Variants in SLC66A1 observed in about 807,000 individuals in gnomAD.
SLC66A1 encodes the protein lysosomal amino acid transporter 1 homolog.
SLC66A1 carries 23 observed loss-of-function variants against 33.0 expected under a neutral mutation model. The observed-to-expected ratio is 0.70, with a 90% CI of 0.50 to 0.99. SLC66A1 has a LOEUF of 0.99. Ranked by LOEUF, SLC66A1 falls within the 50% of genes least tolerant of loss-of-function variation. The pLI is 0.00. For synonymous variants in SLC66A1, 164 were observed against 175.5 expected (o/e 0.93, Z 0.52); for missense variants, 335 against 383.6 (o/e 0.87, Z 1.06).
At position 19,321,282 on chromosome 1, in the gene SLC66A1, C is replaced by T. The variant is rs370323580; in HGVS notation, c.165-3351C>T. On this transcript the variant is annotated intron_variant, in intron 2 of 7. Coordinates refer to ENST00000375153, the MANE Select transcript of SLC66A1 (RefSeq NM_001040125.2). The stretch of plus-strand genomic sequence containing the variant: ...CCTTGACCTTCTGCGCTCAAGCAGT[C>T]CTCCCACCTCAGCCTCTTGAGTAAC... Among the ~76,000 whole-genome samples, 173 of 141,784 alleles carry T rather than the reference C, an allele frequency of 1.2e-3. 3 individuals carry two copies. The South Asian group carries it at 0.022, about 18-fold the overall frequency. 93.0% of individuals were successfully genotyped at this position (141,784 alleles called of 152,430 possible). A position where few individuals can be genotyped will look rare whatever the true frequency, so the allele number is the denominator to read the frequency against.
At position 19,328,551 on chromosome 1, in the gene SLC66A1, C is replaced by T. The variant is rs1409680952; in HGVS notation, c.805-21C>T. ...CCAACCCAGTCTCTGCTCAGCTTGG[C>T]CTTAACGGCGGCACCCCCAGATCTC... On this transcript the variant is annotated intron_variant, in intron 7 of 7. Coordinates refer to ENST00000375153, the MANE Select transcript of SLC66A1 (RefSeq NM_001040125.2). The surrounding 1 kb of genome is among the most constrained non-coding windows in gnomAD (Gnocchi z 4.7). 2 of 1,610,314 alleles carry T rather than the reference C, an allele frequency of 1.2e-6. No homozygotes were observed. The highest frequency in any genetic ancestry group is 1.7e-6 in the Non-Finnish European group (2 of 1,178,412).
chr1:19,331,357 C>T (rs1382885582), downstream of SLC66A1, among the ~76,000 whole-genome samples: 1 of 152,114 alleles, frequency 6.6e-6, no homozygotes, highest in African/African-American at 2.4e-5. Flanking sequence ...AGAACAGTCT[C>T]AGCACAATTG....
At position 19,313,245 on chromosome 1, in the gene SLC66A1, C is replaced by T. The variant is rs2093786821; in HGVS notation, c.-79+356C>T. ...TGTTCCAGAGTGCTTTTCTCCTCAA[C>T]CCTGGGCTGTTCGAGCTCACAGCTT... On this transcript the variant is annotated intron_variant, in intron 1 of 7. Transcript: ENST00000375153. 4 of 985,282 alleles carry T rather than the reference C, an allele frequency of 4.1e-6. No homozygotes were observed. In the Admixed American group the frequency reaches 1.8e-4, roughly 45 times the overall value. The allele number at this position is 985,282 out of a possible 1,614,324, so 61.0% of individuals were successfully genotyped here. A position where few individuals can be genotyped will look rare whatever the true frequency, so the allele number is the denominator to read the frequency against.
intron 2 of SLC66A1, among the ~76,000 whole-genome samples, chr1:19,319,621 T>TTTTTTTTTTTTTTTTTTTTTTTTTTG (rs1343830305): frequency 6.7e-6 from 1 of 149,082 alleles, no homozygotes; most frequent in African/African-American, 2.5e-5. Context: ...TTTTTTTTTT[T>TTTTTTTTTTTTTTTTTTTTTTTTTTG]GCCTGGTGCA....
At chr1:19,323,764 A>G (rs2093849295) in intron 2 of SLC66A1, among the ~76,000 whole-genome samples, 1 of 152,220 alleles carries the variant, frequency 6.6e-6, no homozygotes. Flanking sequence ...GTGGTTAAAG[A>G]GAAACTGGAA....
chr1:19,324,837 A>T, intron 3 of SLC66A1, 75 bp downstream of exon 3: 1 of 1,556,556 alleles, frequency 6.4e-7, no homozygotes, highest in Non-Finnish European at 8.7e-7. Context: ...AGGAGATGCC[A>T]GGCTCTTTGG....
intron 2 of SLC66A1, among the ~76,000 whole-genome samples, chr1:19,321,169 C>CTTTTTTTTTTTTTTTT (rs71577887): frequency 3.7e-5 from 3 of 82,102 alleles, no homozygotes; most frequent in African/African-American, 1.6e-4. Flanking sequence ...CTTATCTCTT[C>CTTTTTTTTTTTTTTTT]TTTTTTTTTT....
At chr1:19,321,593 G>A (rs2093838046) in intron 2 of SLC66A1, among the ~76,000 whole-genome samples, 1 of 145,806 alleles carries the variant, frequency 6.9e-6, no homozygotes, top group African/African-American at 2.7e-5. Flanking sequence ...TTGAGACACA[G>A]TCTTGCTCTG....
downstream of SLC66A1, among the ~76,000 whole-genome samples, chr1:19,329,912 G>A (rs1300807822): frequency 6.6e-6 from 1 of 152,122 alleles, no homozygotes; most frequent in African/African-American, 2.4e-5. Flanking sequence ...AGCAAGGTGG[G>A]AGAGTGGAGA....
At chr1:19,313,863 G>C (rs1319978661) in intron 1 of SLC66A1, among the ~76,000 whole-genome samples, 2 of 152,214 alleles carry the variant, frequency 1.3e-5, no homozygotes, top group Non-Finnish European at 2.9e-5. Context: ...AGGGAGAGGA[G>C]TTTGGGTGTG....
chr1:19,328,247 A>C lies in SLC66A1; in HGVS notation c.805-325A>C, dbSNP rs995336234. ...AGGCTCTTGTGCCCCAAAACGGCCCAGCCACCTGGAAGCCTCCAGGACGCC... is the reference window on the plus strand; with the variant it reads ...AGGCTCTTGTGCCCCAAAACGGCCCCGCCACCTGGAAGCCTCCAGGACGCC... On this transcript the variant is annotated intron_variant, in intron 7 of 7. Coordinates refer to ENST00000375153, the MANE Select transcript of SLC66A1 (RefSeq NM_001040125.2). This position sits in a 1 kb window ranked among gnomAD's most constrained non-coding sequence, Gnocchi z 4.7. Among the ~76,000 whole-genome samples the C allele has an allele frequency of 2.0e-5, 3 of 152,186 alleles. No homozygotes were observed. Among genetic ancestry groups the C allele is most frequent in the African/African-American group, 7.2e-5 (3 of 41,444 alleles).
At chr1:19,314,831 A>G (rs2093796462) in intron 1 of SLC66A1, among the ~76,000 whole-genome samples, 1 of 152,022 alleles carries the variant, frequency 6.6e-6, no homozygotes, top group Non-Finnish European at 1.5e-5. Flanking sequence ...GGCTGAGAAC[A>G]TGAGGACTTG....
intron 1 of SLC66A1, among the ~76,000 whole-genome samples, chr1:19,317,297 C>G (rs1480415332): frequency 6.6e-6 from 1 of 152,114 alleles, no homozygotes; most frequent in Non-Finnish European, 1.5e-5. Flanking sequence ...GGCTCAGGCA[C>G]AGAAAGGCTG....
At chr1:19,332,979 A>G (rs2152020773), downstream of SLC66A1, among the ~76,000 whole-genome samples, 1 of 152,332 alleles carries the variant, frequency 6.6e-6, no homozygotes, top group Admixed American at 6.5e-5. Flanking sequence ...CTGTTGAACG[A>G]GACACTGTAT....
chr1:19,327,059 G>T (rs2093872024), intron 6 of SLC66A1, among the ~76,000 whole-genome samples, 168 bp from the exon 7 acceptor site: 1 of 152,210 alleles, frequency 6.6e-6, no homozygotes, highest in South Asian at 2.1e-4. Flanking sequence ...CTTGTCTGTG[G>T]GTGGGAGGAG....
rs1337591664 is a variant in SLC66A1 at position 19,328,616 on chromosome 1, G to A, written c.849G>A (p.Ser283=). ...TGTACAGGCGCAGCACCGCCGCCTC[G>A]GAGCTTGAGCCCCTCCTCCCCAGCT... ...FLVYRRSTAA[S]ELEPLLPS Residue 283 remains serine (S), a synonymous_variant, in exon 8 of 8, where the codon TCG becomes TCA. Coordinates refer to ENST00000375153, the MANE Select transcript of SLC66A1 (RefSeq NM_001040125.2). This position sits in a 1 kb window ranked among gnomAD's most constrained non-coding sequence, Gnocchi z 4.7. 8 of 1,613,604 alleles carry A rather than the reference G, an allele frequency of 5.0e-6. No individual in the cohort carries two copies. Among genetic ancestry groups the A allele is most frequent in the East Asian group, 2.2e-5 (1 of 44,882 alleles).
intron 2 of SLC66A1, among the ~76,000 whole-genome samples, chr1:19,320,941 G>A (rs1391985304): frequency 6.7e-6 from 1 of 149,026 alleles, no homozygotes; most frequent in African/African-American, 2.6e-5. Context: ...TCAAACTCCT[G>A]ATCTCAGGTG....
intron 2 of SLC66A1, among the ~76,000 whole-genome samples, chr1:19,322,943 G>A (rs919881992): frequency 2.0e-5 from 3 of 151,608 alleles, no homozygotes; most frequent in African/African-American, 4.9e-5. Flanking sequence ...GTGCAGTGGT[G>A]CATTCATAAC....
chr1:19,315,504 C>T (rs1188819003), intron 1 of SLC66A1, among the ~76,000 whole-genome samples: 2 of 152,220 alleles, frequency 1.3e-5, no homozygotes, highest in Non-Finnish European at 2.9e-5. Flanking sequence ...CTTCCTTTCC[C>T]TCCCGGTGCT....
Sources: gnomAD v4.1 joint callset for allele counts (sites outside exome capture counted in the v4.1 genomes callset) on GRCh38, gnomAD v4.1.1 for gene constraint, Gnocchi (gnomAD v3.1) non-coding constraint, MANE v1.5 for transcripts, NCBI Gene and HGNC (gene_info 2026-07-23, HGNC 2026-07-21) for gene names.